The following MEGF11 variants were observed in gnomAD, a reference collection of about 807,000 sequenced individuals.
MEGF11 encodes the protein multiple epidermal growth factor-like domains protein 11.
A neutral mutation model predicts 146.6 loss-of-function variants in MEGF11; 126 were observed. The ratio of observed to expected loss-of-function variants is 0.86; its 90% CI spans 0.74 to 1.00. MEGF11 has a LOEUF of 1.00. Ranked by LOEUF, MEGF11 falls within the 50% of genes least tolerant of loss-of-function variation. MEGF11 has a pLI of 0.00. For synonymous variants in MEGF11, 532 were observed against 583.4 expected (o/e 0.91, Z 1.27); for missense variants, 1,509 against 1,521.2 (o/e 0.99, Z 0.13).
rs549899047 is a variant in MEGF11 at position 66,241,985 on chromosome 15, A to T, written c.-9+11620T>A. 2.6e-5 allele frequency among the ~76,000 whole-genome samples: 4 copies of T among 152,356 alleles called. No homozygotes were observed. In the South Asian group the frequency reaches 8.3e-4, roughly 32 times the overall value. ...CAAACACAAATACAAACATAGCCAT[A>T]CTGACAACTGCAGCCAGTCAAATAA... On this transcript the variant is annotated intron_variant, in intron 1 of 25. Coordinates refer to ENST00000395614, the MANE Select transcript of MEGF11 (RefSeq NM_001385028.1).
At chr15:66,196,298 C>T (rs905906473) in intron 1 of MEGF11, among the ~76,000 whole-genome samples, 2 of 152,044 alleles carry the variant, frequency 1.3e-5, no homozygotes, top group African/African-American at 4.8e-5. Flanking sequence ...ATGCAAAAAC[C>T]CCGTCTTTAC....
At chr15:65,983,032 C>A (rs183692705) in intron 5 of MEGF11, among the ~76,000 whole-genome samples, 49 of 152,218 alleles carry the variant, frequency 3.2e-4, no homozygotes, top group African/African-American at 1.1e-3. Context: ...TCACCATTTG[C>A]ATTTCACTCA....
intron 1 of MEGF11, among the ~76,000 whole-genome samples, chr15:66,189,453 C>A (rs771179316): frequency 1.3e-5 from 2 of 152,186 alleles, no homozygotes; most frequent in African/African-American, 4.8e-5. Context: ...ATCCCCATTG[C>A]GCACATGGGG....
At chr15:66,238,699 T>C (rs1395080024) in intron 1 of MEGF11, among the ~76,000 whole-genome samples, 1 of 152,200 alleles carries the variant, frequency 6.6e-6, no homozygotes, top group East Asian at 1.9e-4. Context: ...GTGTCTCCCC[T>C]AGATATCAGC....
intron 5 of MEGF11, among the ~76,000 whole-genome samples, chr15:65,985,772 G>C (rs2081834123): frequency 6.6e-6 from 1 of 151,968 alleles, no homozygotes; most frequent in Admixed American, 6.6e-5. Flanking sequence ...CAGTCTAGTA[G>C]GGGCAGAAAT....
chr15:65,974,473 C>T (rs1294188995), intron 7 of MEGF11, among the ~76,000 whole-genome samples: 2 of 152,070 alleles, frequency 1.3e-5, no homozygotes, highest in African/African-American at 2.4e-5. Flanking sequence ...GCCTGGCCAG[C>T]GAGGTGAAAC....
chr15:66,034,527 C>T (rs986376769), intron 5 of MEGF11, among the ~76,000 whole-genome samples: 2 of 151,916 alleles, frequency 1.3e-5, no homozygotes, highest in Non-Finnish European at 2.9e-5. Context: ...TCAATTGATC[C>T]TCCCCGCTCA....
chr15:66,058,176 C>T (rs1176237606), intron 5 of MEGF11, among the ~76,000 whole-genome samples: 1 of 152,062 alleles, frequency 6.6e-6, no homozygotes, highest in Non-Finnish European at 1.5e-5. Context: ...GGGGCCATAT[C>T]CCTGCAAGAT....
At chr15:65,959,651 GCA>G (rs1331630264) in intron 9 of MEGF11, among the ~76,000 whole-genome samples, 1 of 152,126 alleles carries the variant, frequency 6.6e-6, no homozygotes, top group East Asian at 1.9e-4. Context: ...AAAGATTTAT[GCA>G]CAGAGATGTT....
intron 1 of MEGF11, among the ~76,000 whole-genome samples, chr15:66,158,656 T>G (rs2089847677): frequency 6.6e-6 from 1 of 152,226 alleles, no homozygotes; most frequent in South Asian, 2.1e-4. Flanking sequence ...GGAAGCAGGA[T>G]TTTTGAAAGC....
intron 2 of MEGF11, 123 bp from the exon 3 acceptor site, chr15:66,124,123 GA>G (rs2088205972): frequency 1.3e-6 from 1 of 741,742 alleles, no homozygotes; most frequent in Non-Finnish European, 2.3e-6. Flanking sequence ...CGGAGGCTCT[GA>G]CCTCCCCCCT....
intron 10 of MEGF11, among the ~76,000 whole-genome samples, chr15:65,940,557 T>A (rs138907886): frequency 2.5e-4 from 38 of 152,268 alleles, no homozygotes; most frequent in African/African-American, 9.1e-4. Flanking sequence ...AGAGCAAACC[T>A]CGCTGGACCT....
intron 1 of MEGF11, among the ~76,000 whole-genome samples, chr15:66,177,816 C>T (rs1179918518): frequency 6.6e-6 from 1 of 151,992 alleles, no homozygotes; most frequent in Non-Finnish European, 1.5e-5. Context: ...CCTAGTGTAG[C>T]TGGGACTACA....
At chr15:66,120,265 G>T (rs1184668035) in intron 3 of MEGF11, among the ~76,000 whole-genome samples, 1 of 152,180 alleles carries the variant, frequency 6.6e-6, no homozygotes, top group African/African-American at 2.4e-5. Context: ...CATAGGCAAA[G>T]CCCCTTCTTC....
intron 5 of MEGF11, among the ~76,000 whole-genome samples, chr15:66,069,833 C>A (rs2085289424): frequency 6.6e-6 from 1 of 152,230 alleles, no homozygotes; most frequent in African/African-American, 2.4e-5. Flanking sequence ...TTGAGCAAGA[C>A]AGTCCCTGTC....
At chr15:66,144,618 C>A (rs369248614) in intron 1 of MEGF11, among the ~76,000 whole-genome samples, 1 of 152,174 alleles carries the variant, frequency 6.6e-6, no homozygotes, top group Non-Finnish European at 1.5e-5. Flanking sequence ...TGCCCACTGA[C>A]CCCTCCCCTT....
At chr15:66,201,776 C>A (rs8037428) in intron 1 of MEGF11, among the ~76,000 whole-genome samples, 135,423 of 136,446 alleles carry the variant, frequency 0.99, 67,211 homozygotes, top group South Asian at 1. Context: ...TACTAAAAAT[C>A]CCAAAAAAAA....
At chr15:65,930,573 C>T (rs1355316389) in intron 11 of MEGF11, among the ~76,000 whole-genome samples, 4 of 152,230 alleles carry the variant, frequency 2.6e-5, no homozygotes, top group Non-Finnish European at 5.9e-5. Context: ...TAACGTGTCT[C>T]GGTTGCACAC....
chr15:66,214,091 A>G (rs112210754), intron 1 of MEGF11, among the ~76,000 whole-genome samples: 6,181 of 138,368 alleles, frequency 0.045, 203 homozygotes, highest in African/African-American at 0.1. Flanking sequence ...GCTGGAGTGC[A>G]GTGGCACAAT....
Sources: gnomAD v4.1 joint callset for allele counts (sites outside exome capture counted in the v4.1 genomes callset) on GRCh38, gnomAD v4.1.1 for gene constraint, MANE v1.5 for transcripts, NCBI Gene and HGNC (gene_info 2026-07-23, HGNC 2026-07-21) for gene names.